The following KLHL2 variants were observed in gnomAD, a reference collection of about 807,000 sequenced individuals.
The protein encoded by KLHL2 is kelch like family member 2, also known as kelch-like protein 2.
A neutral mutation model predicts 75.8 loss-of-function variants in KLHL2; 15 were observed. The ratio of observed to expected loss-of-function variants is 0.20; its 90% confidence interval spans 0.13 to 0.30. KLHL2 has a LOEUF of 0.30. Among genes scored for constraint, KLHL2 ranks in the 10% least tolerant of loss-of-function variants. KLHL2 has a pLI of 1.00. For synonymous variants in KLHL2, 214 were observed against 251.9 expected (o/e 0.85, Z 1.42); for missense variants, 381 against 741.0 (o/e 0.51, Z 5.64).
intron 3 of KLHL2, among the ~76,000 whole-genome samples, chr4:165,233,532 A>G (rs996328017): frequency 4.2e-4 from 64 of 152,240 alleles, no homozygotes; most frequent in Non-Finnish European, 7.4e-5. Flanking sequence ...AAGACAGATT[A>G]TTGTTTGAGT....
intron 4 of KLHL2, among the ~76,000 whole-genome samples, chr4:165,259,639 T>G (rs1388718634): frequency 6.6e-6 from 1 of 152,244 alleles, no homozygotes; most frequent in Non-Finnish European, 1.5e-5. Flanking sequence ...CCTGATGTAG[T>G]AATTACTCAG....
chr4:165,279,560 T>C (rs779691532), intron 5 of KLHL2: 2 of 1,590,232 alleles, frequency 1.3e-6, no homozygotes, highest in South Asian at 1.1e-5. Context: ...TGTTCTTGAA[T>C]TGAAAACCAA....
At chr4:165,312,989 GATT>G (rs1352427543) in intron 11 of KLHL2, among the ~76,000 whole-genome samples, 1 of 152,048 alleles carries the variant, frequency 6.6e-6, no homozygotes. Flanking sequence ...TATTTTATCA[GATT>G]ATTGATGAAA....
At chr4:165,310,195 G>C (rs1280482349) in intron 9 of KLHL2, among the ~76,000 whole-genome samples, 1 of 152,104 alleles carries the variant, frequency 6.6e-6, no homozygotes. Context: ...TGTGGTGGCG[G>C]GCGCCTGTAG....
chr4:165,289,708 C>T lies in KLHL2; in HGVS notation c.545-4651C>T, dbSNP rs958099330. 1.4e-4 allele frequency among the ~76,000 whole-genome samples: 22 copies of T among 152,092 alleles called. 1 individual carries two copies. Among genetic ancestry groups the T allele is most frequent in the Non-Finnish European group, 1.6e-4 (11 of 67,998 alleles). On this transcript the variant is annotated intron_variant, in intron 5 of 14. Transcript: ENST00000226725. ...GATAGAGTTTACTAATGCCCTTCTA[C>T]ATTTATGTAATTGCTGACTTTTAAA...
chr4:165,229,103 A>G (rs989269034), intron 3 of KLHL2, among the ~76,000 whole-genome samples, 190 bp downstream of exon 3: 2 of 152,346 alleles, frequency 1.3e-5, no homozygotes, highest in East Asian at 1.9e-4. Context: ...GTAAGCCTAT[A>G]CATAGGTACA....
At chr4:165,250,349 C>A (rs1364425409) in intron 4 of KLHL2, among the ~76,000 whole-genome samples, 1 of 152,140 alleles carries the variant, frequency 6.6e-6, no homozygotes, top group Admixed American at 6.5e-5. Flanking sequence ...ATCTACTGAG[C>A]AGTTTTTTAA....
intron 6 of KLHL2, among the ~76,000 whole-genome samples, chr4:165,295,303 T>G (rs967743815): frequency 1.3e-5 from 2 of 152,214 alleles, no homozygotes; most frequent in African/African-American, 4.8e-5. Context: ...CTCAAGGCTA[T>G]TCATTTCACC....
At position 165,322,354 on chromosome 4, in the gene KLHL2, A is replaced by G. The variant is rs531018383; in HGVS notation, c.*294A>G. ...GTTGCTTTCATAAAGACTAGTTCTT[A>G]TCAACCTTGAATGACTACAGATTAT... On this transcript the variant is annotated 3_prime_UTR_variant, in exon 15 of 15. Coordinates refer to ENST00000226725, the MANE Select transcript of KLHL2 (RefSeq NM_007246.4). The G allele has an allele frequency of 6.6e-6, 2 of 305,300 alleles. No individual in the cohort carries two copies. Among genetic ancestry groups the G allele is most frequent in the South Asian group, 7.8e-5 (1 of 12,880 alleles). The allele number at this position is 305,300 out of a possible 1,614,324, so 18.9% of individuals were successfully genotyped here. A position where few individuals can be genotyped will look rare whatever the true frequency, so the allele number is the denominator to read the frequency against.
Position 165,259,260 on chromosome 4 carries a change from G to A in KLHL2, c.382-3937G>A, listed in dbSNP as rs372263907. Among the ~76,000 whole-genome samples the A allele has an allele frequency of 5.9e-5, 9 of 152,118 alleles. No individual in the cohort carries two copies. The East Asian group carries it at 1.7e-3, about 29-fold the overall frequency. ...TGGGATTACAGGTGTGCACCACCAT[G>A]CCCAGCTAATTTTTGTATTTTTAGT... On this transcript the variant is annotated intron_variant, in intron 4 of 14. Transcript: ENST00000226725.
At chr4:165,268,892 A>G (rs1257894891) in intron 5 of KLHL2, among the ~76,000 whole-genome samples, 2 of 152,144 alleles carry the variant, frequency 1.3e-5, no homozygotes, top group Non-Finnish European at 2.9e-5. Flanking sequence ...TGTCTCGTTG[A>G]TCTGTCTAAT....
chr4:165,307,208 T>C (rs940135411), intron 9 of KLHL2, among the ~76,000 whole-genome samples: 3 of 152,132 alleles, frequency 2.0e-5, no homozygotes, highest in African/African-American at 7.2e-5. Context: ...CTCAGGAGGC[T>C]GAAGCAGGAG....
At chr4:165,269,504 G>C (rs146943240) in intron 5 of KLHL2, among the ~76,000 whole-genome samples, 3,112 of 152,096 alleles carry the variant, frequency 0.02, 94 homozygotes, top group African/African-American at 0.071. Context: ...TGTAAGGCAG[G>C]CCTGGTGGTG....
At position 165,321,831 on chromosome 4, in the gene KLHL2, TTAAC is replaced by T. The variant is rs374465399; in HGVS notation, c.1754-198_1754-195del. 5.9e-3 allele frequency among the ~76,000 whole-genome samples: 900 copies of T among 152,330 alleles called. 9 individuals carry two copies. The highest frequency in any genetic ancestry group is 0.019 in the African/African-American group (776 of 41,576). ...AGTTCTGGATTAAATAGTCTTATAT[TTAAC>T]TAGCCCATAACTAAACAGAGTTTTC... is the stretch of plus-strand genomic sequence containing the variant. On this transcript the variant is annotated intron_variant, in intron 14 of 14. Coordinates refer to ENST00000226725, the MANE Select transcript of KLHL2 (RefSeq NM_007246.4).
chr4:165,209,004 TA>T (rs1384436010), intron 1 of KLHL2, among the ~76,000 whole-genome samples: 1 of 152,208 alleles, frequency 6.6e-6, no homozygotes, highest in East Asian at 1.9e-4. Flanking sequence ...TTAGGAGAGC[TA>T]ATGGGATTCT....
chr4:165,208,744 C>T (rs1467515484), intron 1 of KLHL2, among the ~76,000 whole-genome samples: 1 of 152,040 alleles, frequency 6.6e-6, no homozygotes, highest in Non-Finnish European at 1.5e-5. Context: ...TTTTGGTTCC[C>T]TCTTCTCTTA....
chr4:165,288,304 C>T (rs1744236512), intron 5 of KLHL2, among the ~76,000 whole-genome samples: 6 of 152,094 alleles, frequency 3.9e-5, no homozygotes, highest in Admixed American at 3.3e-4. Context: ...GATCATTTTA[C>T]CATATACATG....
chr4:165,287,918 C>G (rs913385315), intron 5 of KLHL2, among the ~76,000 whole-genome samples: 2 of 152,056 alleles, frequency 1.3e-5, no homozygotes, highest in Admixed American at 6.6e-5. Flanking sequence ...GATATTAACT[C>G]TTTGTCAGAT....
At chr4:165,272,422 A>C (rs1742768867) in intron 5 of KLHL2, among the ~76,000 whole-genome samples, 1 of 152,214 alleles carries the variant, frequency 6.6e-6, no homozygotes, top group African/African-American at 2.4e-5. Flanking sequence ...ATTAACTGCT[A>C]GACTTAATGC....
Sources: gnomAD v4.1 joint callset for allele counts (sites outside exome capture counted in the v4.1 genomes callset) on GRCh38, gnomAD v4.1.1 for gene constraint, MANE v1.5 for transcripts, NCBI Gene and HGNC (gene_info 2026-07-23, HGNC 2026-07-21) for gene names.